ADARB1: variants seen among roughly 807,000 people sequenced by gnomAD.
ADARB1 encodes the protein double-stranded RNA-specific editase 1.
Under a neutral mutation model 52.4 loss-of-function variants are expected in ADARB1, and 10 were observed. The ratio of observed to expected loss-of-function variants is 0.19; its 90% confidence interval spans 0.12 to 0.32. The LOEUF is 0.32. Ranked by LOEUF, ADARB1 falls within the 10% of genes least tolerant of loss-of-function variation. ADARB1 has a pLI of 1.00. For missense variants in ADARB1, 643 were observed against 922.3 expected (o/e 0.70, Z 3.92); for synonymous variants, 349 against 371.1 (o/e 0.94, Z 0.68).
At chr21:45,116,224 T>C (rs2087814745) in intron 1 of ADARB1, among the ~76,000 whole-genome samples, 1 of 152,236 alleles carries the variant, frequency 6.6e-6, no homozygotes, top group Non-Finnish European at 1.5e-5. Context: ...AGTCTTGGAA[T>C]TGGCCTTTTC....
intron 2 of ADARB1, among the ~76,000 whole-genome samples, chr21:45,156,383 TCATCCATC>T (rs1211880004): frequency 1.9e-4 from 21 of 112,422 alleles, no homozygotes; most frequent in Non-Finnish European, 2.5e-4. Context: ...CCATCACCCA[TCATCCATC>T]CATCCATCCA....
At position 45,223,982 on chromosome 21, in the gene ADARB1, G is replaced by A. The variant is rs117895085; in HGVS notation, c.*1785G>A. 4,592 of 985,378 alleles carry A rather than the reference G, an allele frequency of 4.7e-3. 12 individuals carry two copies. The highest frequency in any genetic ancestry group is 9.4e-3 in the African/African-American group (537 of 57,318). The allele number at this position is 985,378 out of a possible 1,614,324, so 61.0% of individuals were successfully genotyped here. On this transcript the variant is annotated 3_prime_UTR_variant, in exon 11 of 11. Transcript: ENST00000348831. ...AGCAGTCACAGCAGGCGTCTCTGCCGCTCCGTCACCACAGTGGGGTTTTGT... is the reference window on the plus strand; with the variant it reads ...AGCAGTCACAGCAGGCGTCTCTGCCACTCCGTCACCACAGTGGGGTTTTGT...
At chr21:45,124,787 A>ATG (rs56113860) in intron 1 of ADARB1, among the ~76,000 whole-genome samples, 47,009 of 135,430 alleles carry the variant, frequency 0.35, 7,432 homozygotes, top group Non-Finnish European at 0.38. Flanking sequence ...GTGTGTGTGT[A>ATG]TGTGTGTGTG....
intron 2 of ADARB1, among the ~76,000 whole-genome samples, chr21:45,152,416 G>A (rs925847120): frequency 2.0e-5 from 3 of 152,146 alleles, no homozygotes; most frequent in Non-Finnish European, 2.9e-5. Flanking sequence ...TGGTGTGTGG[G>A]CCCCTTCAGC....
chr21:45,098,926 G>T (rs920757779), intron 1 of ADARB1, among the ~76,000 whole-genome samples: 1 of 152,194 alleles, frequency 6.6e-6, no homozygotes, highest in South Asian at 2.1e-4. Context: ...TTGGGGGTCA[G>T]GTTATTCTTA....
Position 45,157,589 on chromosome 21 carries a change from G to T in ADARB1, c.-47-14021G>T, listed in dbSNP as rs2090731201. Among the ~76,000 whole-genome samples, 1 of 152,194 alleles carries T rather than the reference G, an allele frequency of 6.6e-6. No individual in the cohort carries two copies. Among genetic ancestry groups the T allele is most frequent in the African/African-American group, 2.4e-5 (1 of 41,436 alleles). On this transcript the variant is annotated intron_variant, in intron 2 of 10. Transcript: ENST00000348831. The surrounding 1 kb of genome is among the most constrained non-coding windows in gnomAD (Gnocchi z 4.1). ...GATGTCTCCTTCAGCAGTTCATGTG[G>T]CTTTCTAAAGCTTGCCATTGCTTAG... is the stretch of plus-strand genomic sequence containing the variant.
rs934807513 is a variant in ADARB1 at position 45,074,608 on chromosome 21, G to GGCGGCGGCGGCGGCA, written c.-396_-382dup. 2 of 149,226 alleles carry GGCGGCGGCGGCGGCA rather than the reference G, an allele frequency of 1.3e-5. No individual in the cohort carries two copies. Among genetic ancestry groups the GGCGGCGGCGGCGGCA allele is most frequent in the African/African-American group, 4.9e-5 (2 of 40,716 alleles). The allele number at this position is 149,226 out of a possible 1,614,324, so 9.2% of individuals were successfully genotyped here. On this transcript the variant is annotated 5_prime_UTR_variant, in exon 1 of 11. Transcript: ENST00000348831. ...GCGCTGAGGCGGCCGTGGCGGCGGC[G>GGCGGCGGCGGCGGCA]GCGGCGGCGGCGGCAGCGGCGGCCA... is the stretch of plus-strand genomic sequence containing the variant.
chr21:45,214,917 C>G (rs1471891948), intron 9 of ADARB1, among the ~76,000 whole-genome samples: 1 of 152,160 alleles, frequency 6.6e-6, no homozygotes, highest in Non-Finnish European at 1.5e-5. Context: ...ATCCTTATTG[C>G]ACTGGTTAGG....
intron 9 of ADARB1, among the ~76,000 whole-genome samples, chr21:45,218,738 A>C (rs980959450): frequency 8.5e-5 from 13 of 152,178 alleles, no homozygotes; most frequent in Non-Finnish European, 1.8e-4. Flanking sequence ...AAAGCAAGTG[A>C]GCATGGTGAC....
chr21:45,217,415 T>TA (rs1231578962), intron 9 of ADARB1, among the ~76,000 whole-genome samples: 1 of 152,118 alleles, frequency 6.6e-6, no homozygotes, highest in Non-Finnish European at 1.5e-5. Flanking sequence ...TATGCATTCT[T>TA]ACCACGATCT....
At chr21:45,098,100 C>T (rs777002477) in intron 1 of ADARB1, among the ~76,000 whole-genome samples, 3 of 152,224 alleles carry the variant, frequency 2.0e-5, no homozygotes, top group African/African-American at 4.8e-5. Flanking sequence ...GCTGTCCCTG[C>T]GTTCGCTTCC....
intron 2 of ADARB1, among the ~76,000 whole-genome samples, chr21:45,153,629 A>C (rs1601629277): frequency 6.6e-6 from 1 of 152,234 alleles, no homozygotes; most frequent in Admixed American, 6.5e-5. Flanking sequence ...ATGAATCTCA[A>C]AGTCAGCAAT....
At chr21:45,174,776 C>T (rs2091628235) in intron 3 of ADARB1, among the ~76,000 whole-genome samples, 1 of 152,034 alleles carries the variant, frequency 6.6e-6, no homozygotes, top group Non-Finnish European at 1.5e-5. Context: ...TTTATTTTGC[C>T]ATGTAATTTT....
At chr21:45,135,934 C>G (rs910360408) in intron 2 of ADARB1, among the ~76,000 whole-genome samples, 3 of 152,122 alleles carry the variant, frequency 2.0e-5, no homozygotes, top group Admixed American at 2.0e-4. Context: ...TCTGACCATG[C>G]ACAGCCCCTT....
chr21:45,211,647 T>C (rs2146399617), intron 9 of ADARB1, among the ~76,000 whole-genome samples: 1 of 152,360 alleles, frequency 6.6e-6, no homozygotes, highest in Admixed American at 6.5e-5. Context: ...TTTTTAATTG[T>C]AGCAGTTATT....
chr21:45,221,083 C>A lies in ADARB1; in HGVS notation c.1926+69C>A. The A allele has an allele frequency of 6.7e-7, 1 of 1,490,566 alleles. No individual in the cohort carries two copies. Among genetic ancestry groups the A allele is most frequent in the Non-Finnish European group, 9.0e-7 (1 of 1,109,036 alleles). The allele number at this position is 1,490,566 out of a possible 1,614,324, so 92.3% of individuals were successfully genotyped here. A position where few individuals can be genotyped will look rare whatever the true frequency, so the allele number is the denominator to read the frequency against. ...AATAGCTTGTCTGTCCTCACACCTACTGTTCCTTAAGTTGTTTCATCATGT... is the reference window on the plus strand; with the variant it reads ...AATAGCTTGTCTGTCCTCACACCTAATGTTCCTTAAGTTGTTTCATCATGT... On this transcript the variant is annotated intron_variant, in intron 10 of 10. Transcript: ENST00000348831. This position sits in a 1 kb window ranked among gnomAD's most constrained non-coding sequence, Gnocchi z 4.9.
intron 8 of ADARB1, among the ~76,000 whole-genome samples, chr21:45,197,499 C>CAA (rs58085027): frequency 1.3e-4 from 15 of 113,694 alleles, no homozygotes; most frequent in African/African-American, 2.4e-4. Flanking sequence ...GACTCTGTCT[C>CAA]AAAAAAAAAA....
At chr21:45,159,545 A>AT (rs575813454) in intron 2 of ADARB1, among the ~76,000 whole-genome samples, 5 of 152,152 alleles carry the variant, frequency 3.3e-5, no homozygotes, top group Admixed American at 6.5e-5. Flanking sequence ...AAGGCTTTAT[A>AT]TTTTTGTCTT....
At position 45,208,629 on chromosome 21, in the gene ADARB1, T is replaced by C. The variant is rs936368790; in HGVS notation, c.1747+3893T>C. Among the ~76,000 whole-genome samples, 2 of 151,844 alleles carry C rather than the reference T, an allele frequency of 1.3e-5. No homozygotes were observed. The highest frequency in any genetic ancestry group is 1.3e-4 in the Admixed American group (2 of 15,244). ...AAGTGTGTGTGTGTATGTGTGCGTG[T>C]GTGTGTGTGTGAGTGCATGTGAGTG... On this transcript the variant is annotated intron_variant, in intron 9 of 10. Transcript: ENST00000348831. This position sits in a 1 kb window ranked among gnomAD's most constrained non-coding sequence, Gnocchi z 5.6.
Sources: allele counts gnomAD v4.1 joint callset (sites outside exome capture counted in the v4.1 genomes callset), GRCh38; gene constraint gnomAD v4.1.1; non-coding constraint Gnocchi (gnomAD v3.1); transcripts MANE v1.5; gene names NCBI Gene and HGNC (gene_info 2026-07-23, HGNC 2026-07-21).